The following SORBS2 variants were observed in gnomAD, a reference collection of about 807,000 sequenced individuals.
SORBS2 encodes sorbin and SH3 domain-containing protein 2.
In SORBS2, 46 loss-of-function variants were observed where a neutral mutation model predicts 97.7. The observed-to-expected ratio is 0.47, with a 90% CI of 0.37 to 0.60. The LOEUF (loss-of-function observed/expected upper bound fraction) is 0.60. SORBS2 is among the 20% of genes least tolerant of loss of function. SORBS2 has a pLI of 0.00. For missense variants in SORBS2, 1,316 were observed against 1,282.3 expected (o/e 1.03, Z -0.40); for synonymous variants, 476 against 473.4 (o/e 1.01, Z -0.07).
rs1025933118 is a variant in SORBS2 at position 185,656,617 on chromosome 4, G to A, written c.22C>T (p.Gln8Ter). 6.5e-7 allele frequency: 1 copy of A among 1,548,346 alleles called. No homozygotes were observed. The change falls in exon 1 of 15, where the codon CAG becomes TAG. Residue 8 changes from glutamine (Q) to a stop codon, truncating the protein, a stop_gained and splice_region_variant. Transcript: ENST00000418609. LOFTEE classifies it high-confidence loss of function. ...CCCCGCATGGCCCCCAACTTCACCT[G>A]CAAAGGTGTTGTTGCTTTCATCCTG...
intron 14 of SORBS2, among the ~76,000 whole-genome samples, chr4:185,588,432 G>A (rs2095838872): frequency 6.6e-6 from 1 of 152,180 alleles, no homozygotes. Context: ...TCTTGTAAAA[G>A]TTGGTGCACT....
chr4:185,926,315 C>T (rs1327846657), intron 1 of SORBS2, among the ~76,000 whole-genome samples: 1 of 152,092 alleles, frequency 6.6e-6, no homozygotes, highest in East Asian at 1.9e-4. Flanking sequence ...GGTGGCGGCA[C>T]GGGTAGAGGA....
chr4:185,948,273 G>A (rs904644250), intron 1 of SORBS2, among the ~76,000 whole-genome samples: 1 of 152,042 alleles, frequency 6.6e-6, no homozygotes, highest in Admixed American at 6.6e-5. Flanking sequence ...TGTTTACATA[G>A]CATCTTTTCA....
At chr4:185,643,601 G>T (rs2097162988) in intron 4 of SORBS2, among the ~76,000 whole-genome samples, 1 of 152,068 alleles carries the variant, frequency 6.6e-6, no homozygotes, top group Non-Finnish European at 1.5e-5. Flanking sequence ...GACAATTGTG[G>T]GCCAGAAGAG....
At chr4:185,759,496 G>A (rs756108331) in intron 2 of SORBS2, among the ~76,000 whole-genome samples, 7 of 152,138 alleles carry the variant, frequency 4.6e-5, no homozygotes, top group African/African-American at 7.2e-5. Context: ...CATATTTAAC[G>A]GGTAGGGAGA....
intron 11 of SORBS2, among the ~76,000 whole-genome samples, chr4:185,614,159 G>GTTTTTTT (rs34929054): frequency 6.4e-4 from 59 of 91,588 alleles, no homozygotes; most frequent in East Asian, 7.9e-4. Context: ...GTTTTTTTGT[G>GTTTTTTT]TTTTTTTTTT....
intron 1 of SORBS2, among the ~76,000 whole-genome samples, chr4:185,857,610 T>C (rs2099221272): frequency 6.6e-6 from 1 of 152,222 alleles, no homozygotes; most frequent in Non-Finnish European, 1.5e-5. Flanking sequence ...AATAGAGCCA[T>C]ATTTTCCTTC....
chr4:185,942,200 T>G (rs2099272351), intron 1 of SORBS2, among the ~76,000 whole-genome samples: 1 of 152,160 alleles, frequency 6.6e-6, no homozygotes, highest in Non-Finnish European at 1.5e-5. Context: ...TGTTTGGAAT[T>G]TTCATGTAAC....
chr4:185,866,432 A>C (rs2099226923), intron 1 of SORBS2, among the ~76,000 whole-genome samples: 1 of 152,252 alleles, frequency 6.6e-6, no homozygotes, highest in African/African-American at 2.4e-5. Flanking sequence ...TATGGAAAAC[A>C]AGTATACACT....
intron 2 of SORBS2, among the ~76,000 whole-genome samples, chr4:185,723,362 A>G (rs1228642267): frequency 6.6e-6 from 1 of 152,232 alleles, no homozygotes; most frequent in Non-Finnish European, 1.5e-5. Flanking sequence ...GCACCAATTT[A>G]GCTTGCATCA....
At chr4:185,708,936 T>C (rs1221012094) in intron 2 of SORBS2, among the ~76,000 whole-genome samples, 1 of 152,254 alleles carries the variant, frequency 6.6e-6, no homozygotes, top group Non-Finnish European at 1.5e-5. Context: ...TCTCCAATCT[T>C]TATATCTATT....
intron 2 of SORBS2, among the ~76,000 whole-genome samples, chr4:185,766,976 T>C (rs190387196): frequency 7.2e-5 from 11 of 152,338 alleles, no homozygotes; most frequent in Admixed American, 2.0e-4. Flanking sequence ...AAAATTTTTT[T>C]TAAACTGTGT....
chr4:185,812,387 G>C (rs192806930), intron 1 of SORBS2, 193 bp from the exon 1 acceptor site: 1 of 152,196 alleles, frequency 6.6e-6, no homozygotes, highest in Admixed American at 6.5e-5. Flanking sequence ...TTTTGAGGAG[G>C]GTAGCTTCTG....
chr4:185,861,886 T>G (rs555573825), intron 1 of SORBS2, among the ~76,000 whole-genome samples: 1 of 152,296 alleles, frequency 6.6e-6, no homozygotes, highest in Non-Finnish European at 1.5e-5. Context: ...CGTGAGCCAC[T>G]GCGCCCAGCC....
At chr4:185,735,615 A>C (rs1262011465) in intron 2 of SORBS2, among the ~76,000 whole-genome samples, 1 of 152,080 alleles carries the variant, frequency 6.6e-6, no homozygotes, top group Non-Finnish European at 1.5e-5. Flanking sequence ...AATCTCATTG[A>C]AAATGCATCT....
At chr4:185,680,284 C>T (rs529421275) in intron 2 of SORBS2, among the ~76,000 whole-genome samples, 5 of 152,302 alleles carry the variant, frequency 3.3e-5, no homozygotes, top group Admixed American at 2.6e-4. Context: ...GCTGGGACTA[C>T]AGGTATGTGC....
At chr4:185,908,277 C>CTATATATATATATATA in intron 1 of SORBS2, among the ~76,000 whole-genome samples, 1 of 89,560 alleles carries the variant, frequency 1.1e-5, no homozygotes. Flanking sequence ...CATGCAAAGG[C>CTATATATATATATATA]TATATATATA....
At chr4:185,744,906 G>A (rs904817323) in intron 2 of SORBS2, among the ~76,000 whole-genome samples, 1 of 152,214 alleles carries the variant, frequency 6.6e-6, no homozygotes, top group African/African-American at 2.4e-5. Context: ...CTAAGGGTGA[G>A]CCTTCTTTTG....
chr4:185,625,101 A>G (rs2096788542), intron 6 of SORBS2, among the ~76,000 whole-genome samples: 1 of 152,232 alleles, frequency 6.6e-6, no homozygotes, highest in Non-Finnish European at 1.5e-5. Context: ...ATTGCTGCTA[A>G]CATTTTTCTA....
Sources: allele counts gnomAD v4.1 joint callset (sites outside exome capture counted in the v4.1 genomes callset), GRCh38; gene constraint gnomAD v4.1.1; transcripts MANE v1.5; gene names NCBI Gene and HGNC (gene_info 2026-07-23, HGNC 2026-07-21).